Variants in ANGPT1 observed in about 807,000 individuals in gnomAD.
The protein encoded by ANGPT1 is angiopoietin 1.
A neutral mutation model predicts 62.2 loss-of-function variants in ANGPT1; 17 were observed. The observed-to-expected ratio is 0.27, with a 90% CI of 0.19 to 0.41. ANGPT1 has a LOEUF of 0.41. Among genes scored for constraint, ANGPT1 ranks in the 10% least tolerant of loss-of-function variants. The probability of loss-of-function intolerance (pLI) is 1.00; values close to 1 mark genes in which losing one functional copy is unlikely to be tolerated. For synonymous variants in ANGPT1, 199 were observed against 198.9 expected (o/e 1.00, Z 0.00); for missense variants, 478 against 594.9 (o/e 0.80, Z 2.04).
At chr8:107,464,887 G>T (rs1405174911) in intron 1 of ANGPT1, among the ~76,000 whole-genome samples, 1 of 152,126 alleles carries the variant, frequency 6.6e-6, no homozygotes, top group Non-Finnish European at 1.5e-5. Flanking sequence ...ACTGTGCAGT[G>T]CACAGGGAAC....
chr8:107,264,174 C>T (rs759816966), intron 8 of ANGPT1, 47 bp downstream of exon 8: 18 of 1,581,272 alleles, frequency 1.1e-5, no homozygotes, highest in Admixed American at 1.8e-5. Context: ...AACCTTAAGC[C>T]CCAAACCAAT....
At chr8:107,475,336 A>G (rs571861388) in intron 1 of ANGPT1, among the ~76,000 whole-genome samples, 2 of 152,346 alleles carry the variant, frequency 1.3e-5, no homozygotes, top group South Asian at 4.1e-4. Context: ...AAATAGGGGA[A>G]AGCATTCCCT....
intron 1 of ANGPT1, among the ~76,000 whole-genome samples, chr8:107,412,464 AG>A (rs1810615017): frequency 6.6e-6 from 1 of 152,014 alleles, no homozygotes; most frequent in African/African-American, 2.4e-5. Flanking sequence ...ACAATTCCTC[AG>A]GAAAAAAAAA....
At chr8:107,379,916 C>A (rs1426963285) in intron 1 of ANGPT1, among the ~76,000 whole-genome samples, 1 of 152,032 alleles carries the variant, frequency 6.6e-6, no homozygotes, top group Non-Finnish European at 1.5e-5. Flanking sequence ...TTCCAAGAAA[C>A]CACTAACCAG....
chr8:107,407,467 T>A (rs953438240), intron 1 of ANGPT1, among the ~76,000 whole-genome samples: 1 of 152,106 alleles, frequency 6.6e-6, no homozygotes, highest in African/African-American at 2.4e-5. Context: ...TAAAAGCCTG[T>A]TTTCAAAAGA....
intron 1 of ANGPT1, among the ~76,000 whole-genome samples, chr8:107,486,458 T>C (rs981348531): frequency 2.4e-4 from 36 of 152,254 alleles, no homozygotes; most frequent in Middle Eastern, 3.4e-3. Context: ...AATTAACACA[T>C]GTAAAGTTTT....
At chr8:107,463,061 C>A (rs1390193293) in intron 1 of ANGPT1, among the ~76,000 whole-genome samples, 1 of 152,118 alleles carries the variant, frequency 6.6e-6, no homozygotes, top group African/African-American at 2.4e-5. Flanking sequence ...AATCAATAAA[C>A]TGGTAAAGTT....
At chr8:107,424,643 T>A (rs1810988735) in intron 1 of ANGPT1, among the ~76,000 whole-genome samples, 1 of 152,154 alleles carries the variant, frequency 6.6e-6, no homozygotes, top group African/African-American at 2.4e-5. Flanking sequence ...AAACCACAAC[T>A]GGAAAACATT....
chr8:107,495,877 G>A (rs2130550507), intron 1 of ANGPT1, among the ~76,000 whole-genome samples: 1 of 152,184 alleles, frequency 6.6e-6, no homozygotes, highest in South Asian at 2.1e-4. Flanking sequence ...CCTACTGATT[G>A]CCTATTACAG....
At chr8:107,356,825 G>C (rs371882494) in intron 1 of ANGPT1, among the ~76,000 whole-genome samples, 1 of 152,158 alleles carries the variant, frequency 6.6e-6, no homozygotes, top group East Asian at 1.9e-4. Context: ...ATGCGGCAAG[G>C]GCACAGCATC....
chr8:107,423,067 C>T (rs993947865), intron 1 of ANGPT1, among the ~76,000 whole-genome samples: 1 of 152,022 alleles, frequency 6.6e-6, no homozygotes, highest in Non-Finnish European at 1.5e-5. Flanking sequence ...TGCTGGAGTC[C>T]GCTCATACCT....
intron 3 of ANGPT1, among the ~76,000 whole-genome samples, chr8:107,334,501 T>C (rs1028917998): frequency 2.0e-5 from 3 of 152,140 alleles, no homozygotes; most frequent in Admixed American, 6.5e-5. Flanking sequence ...TCTTTCTGTA[T>C]GATAAAGCTG....
At chr8:107,290,994 C>T (rs546368928) in intron 6 of ANGPT1, among the ~76,000 whole-genome samples, 183 of 152,228 alleles carry the variant, frequency 1.2e-3, no homozygotes, top group African/African-American at 3.8e-3. Context: ...GGAAAGTCAC[C>T]ATGATGACAA....
At chr8:107,490,180 G>A (rs1197196722) in intron 1 of ANGPT1, among the ~76,000 whole-genome samples, 1 of 152,124 alleles carries the variant, frequency 6.6e-6, no homozygotes, top group African/African-American at 2.4e-5. Context: ...ATGACAGGGG[G>A]GAAAGGTTTC....
Position 107,383,882 on chromosome 8 carries a change from T to C in ANGPT1, c.298-36785A>G, listed in dbSNP as rs146879988. 3.2e-3 allele frequency among the ~76,000 whole-genome samples: 485 copies of C among 152,286 alleles called. 17 individuals are homozygous for C. In the South Asian group the frequency reaches 0.061, roughly 19 times the overall value. On this transcript the variant is annotated intron_variant, in intron 1 of 8. Coordinates refer to ENST00000517746, the MANE Select transcript of ANGPT1 (RefSeq NM_001146.5). Reference sequence around the variant, plus strand: ...ATTTTGGAGCCCACAGAGATTGTTATATTTCCCACAGACCTCCCTATAGTA... The same window carrying C: ...ATTTTGGAGCCCACAGAGATTGTTACATTTCCCACAGACCTCCCTATAGTA...
intron 4 of ANGPT1, among the ~76,000 whole-genome samples, chr8:107,320,995 T>C (rs974218485): frequency 2.0e-5 from 3 of 152,134 alleles, no homozygotes; most frequent in African/African-American, 7.2e-5. Context: ...GTAAGTGGTA[T>C]TCTCTTTCAC....
chr8:107,362,985 T>C (rs895420960), intron 1 of ANGPT1, among the ~76,000 whole-genome samples: 2 of 152,180 alleles, frequency 1.3e-5, no homozygotes, highest in African/African-American at 4.8e-5. Context: ...GGAAATGTCT[T>C]GGTGAATTCC....
chr8:107,327,373 C>A (rs1343036057), intron 3 of ANGPT1, among the ~76,000 whole-genome samples: 3 of 152,038 alleles, frequency 2.0e-5, no homozygotes, highest in Non-Finnish European at 4.4e-5. Flanking sequence ...AACACTGCAG[C>A]CCCAGTGTCC....
chr8:107,352,699 T>G lies in ANGPT1; in HGVS notation c.298-5602A>C, dbSNP rs114968034. 3.9e-3 allele frequency among the ~76,000 whole-genome samples: 587 copies of G among 152,320 alleles called. 6 individuals carry two copies. Among genetic ancestry groups the G allele is most frequent in the African/African-American group, 0.014 (565 of 41,576 alleles). On this transcript the variant is annotated intron_variant, in intron 1 of 8. Transcript: ENST00000517746. ...TGTAATTCTTAAGAAAGTAACATTT[T>G]AAACCCTATAAAAATTGACAAAGGC...
Sources: allele counts gnomAD v4.1 joint callset (sites outside exome capture counted in the v4.1 genomes callset), GRCh38; gene constraint gnomAD v4.1.1; transcripts MANE v1.5; gene names NCBI Gene and HGNC (gene_info 2026-07-23, HGNC 2026-07-21).